The following ADAMTS15 variants were observed in gnomAD, a reference collection of about 807,000 sequenced individuals.
ADAMTS15 encodes the protein A disintegrin and metalloproteinase with thrombospondin motifs 15.
ADAMTS15 carries 35 observed loss-of-function variants against 79.1 expected under a neutral mutation model. That is an observed-to-expected ratio of 0.44 (90% CI 0.34 to 0.59). The LOEUF (loss-of-function observed/expected upper bound fraction) is 0.59, where lower values mean the gene tolerates loss of function less well. ADAMTS15 is among the 20% of genes least tolerant of loss of function. The pLI is 0.02. For missense variants in ADAMTS15, 1,324 were observed against 1,318.7 expected (o/e 1.00, Z -0.06); for synonymous variants, 616 against 567.3 (o/e 1.09, Z -1.22).
At position 130,449,644 on chromosome 11, in the gene ADAMTS15, T is replaced by C; in HGVS notation, c.671T>C (p.Val224Ala). 4 of 1,600,208 alleles carry C rather than the reference T, an allele frequency of 2.5e-6. No homozygotes were observed. The highest frequency in any genetic ancestry group is 3.4e-6 in the Non-Finnish European group (4 of 1,173,814). ...VSIPRYVETL[V>A]VADESMVKFH... Reference sequence around the variant, plus strand: ...ATCCCGCGGTACGTGGAGACGCTGGTGGTCGCGGACGAGTCAATGGTCAAG... The same window carrying C: ...ATCCCGCGGTACGTGGAGACGCTGGCGGTCGCGGACGAGTCAATGGTCAAG... Residue 224 changes from valine (V) to alanine (A), a missense_variant, in exon 1 of 8, where the codon GTG (valine) becomes GCG (alanine). Physicochemically the swap from Val to Ala is moderately conservative, Grantham distance 64. Transcript: ENST00000299164. This position sits in a 1 kb window ranked among gnomAD's most constrained non-coding sequence, Gnocchi z 7.8.
chr11:130,448,825 T>G lies in ADAMTS15; in HGVS notation c.-149T>G. The stretch of plus-strand genomic sequence containing the variant: ...TGCACGCTCGCCGCCCTGGGAGGAG[T>G]CTCCCTCCCTTGGCTCTCCTTTCTG... On this transcript the variant is annotated 5_prime_UTR_variant, in exon 1 of 8. Coordinates refer to ENST00000299164, the MANE Select transcript of ADAMTS15 (RefSeq NM_139055.4). The G allele has an allele frequency of 3.7e-6, 2 of 539,354 alleles. No individual in the cohort carries two copies. The highest frequency in any genetic ancestry group is 2.9e-6 in the Non-Finnish European group (1 of 350,454). 33.4% of individuals were successfully genotyped at this position (539,354 alleles called of 1,614,324 possible). A position where few individuals can be genotyped will look rare whatever the true frequency, so the allele number is the denominator to read the frequency against.
At chr11:130,458,601 A>G (rs1938136272) in intron 1 of ADAMTS15, among the ~76,000 whole-genome samples, 1 of 152,252 alleles carries the variant, frequency 6.6e-6, no homozygotes, top group South Asian at 2.1e-4. Flanking sequence ...TGGTTGATTC[A>G]GGCTCTAGTT....
At position 130,468,758 on chromosome 11, in the gene ADAMTS15, C is replaced by T. The variant is rs867627798; in HGVS notation, c.1543-504C>T. ...CCAGCCTGGGCGAAAGAGTGAGACT[C>T]CATCTCAAAAAAAAAAAAAAAAAAA... On this transcript the variant is annotated intron_variant, in intron 4 of 7. Transcript: ENST00000299164. Among the ~76,000 whole-genome samples, 11 of 114,706 alleles carry T rather than the reference C, an allele frequency of 9.6e-5. No individual in the cohort carries two copies. In the South Asian group the frequency reaches 3.2e-3, roughly 33 times the overall value. 75.3% of individuals were successfully genotyped at this position (114,706 alleles called of 152,430 possible). A position where few individuals can be genotyped will look rare whatever the true frequency, so the allele number is the denominator to read the frequency against.
intron 4 of ADAMTS15, among the ~76,000 whole-genome samples, chr11:130,464,626 C>G (rs1475098700): frequency 1.3e-5 from 2 of 152,188 alleles, no homozygotes; most frequent in Non-Finnish European, 2.9e-5. Flanking sequence ...CATCATGCCT[C>G]ACCCAGTGAG....
Position 130,461,495 on chromosome 11 carries a change from T to C in ADAMTS15, c.964T>C (p.Cys322Arg). 1 of 1,614,076 alleles carries C rather than the reference T, an allele frequency of 6.2e-7. No individual in the cohort carries two copies. The change falls in exon 2 of 8, where the codon TGT (cysteine) becomes CGT (arginine). Residue 322 changes from cysteine to arginine, a missense_variant. Transcript: ENST00000299164. ...TAILFTRQDL[C>R]GATTCDTLGM... is the part of the protein sequence containing the mutation. ...CTTCTCCCCCACCCGGCAGGACCTG[T>C]GTGGAGCCACCACCTGTGACACCCT...
rs2134738654 is a variant in ADAMTS15, at chr11:130,470,214, A to ATATATATATACATGTGTG, written c.1721-696_1721-695insCATGTGTGTATATATATA. Among the ~76,000 whole-genome samples, 2 of 119,006 alleles carry ATATATATATACATGTGTG rather than the reference A, an allele frequency of 1.7e-5. 1 individual carries two copies. The highest frequency in any genetic ancestry group is 3.4e-5 in the Non-Finnish European group (2 of 59,308). The allele number at this position is 119,006 out of a possible 152,430, so 78.1% of individuals were successfully genotyped here. A position where few individuals can be genotyped will look rare whatever the true frequency, so the allele number is the denominator to read the frequency against. ...TATATATATATATATATATATGTATATATATATATATTTTCTGAGGTAGAG... is the reference window on the plus strand; with the variant it reads ...TATATATATATATATATATATGTATATATATATATACATGTGTGTATATATATATTTTCTGAGGTAGAG... On this transcript the variant is annotated intron_variant, in intron 5 of 7. Transcript: ENST00000299164.
chr11:130,471,519 C>G (rs1343429931), intron 7 of ADAMTS15, 136 bp downstream of exon 7: 1 of 899,202 alleles, frequency 1.1e-6, no homozygotes, highest in African/African-American at 1.7e-5. Context: ...GCCACCCATA[C>G]CCTTCTAGGG....
At position 130,462,689 on chromosome 11, in the gene ADAMTS15, A is replaced by G; in HGVS notation, c.1451A>G (p.His484Arg). The G allele has an allele frequency of 6.2e-7, 1 of 1,613,412 alleles. No homozygotes were observed. Among genetic ancestry groups the G allele is most frequent in the South Asian group, 1.1e-5 (1 of 91,064 alleles). Residue 484 changes from histidine (H) to arginine (R), a missense_variant, in exon 4 of 8, where the codon CAC (histidine) becomes CGC (arginine). Physicochemically the swap from His to Arg is conservative, Grantham distance 29. Transcript: ENST00000299164. This position sits in a 1 kb window ranked among gnomAD's most constrained non-coding sequence, Gnocchi z 4.3. ...GGACAGATGGTGTGCCAGACCCGCC[A>G]CTTCCCCTGGGCCGATGGCACCAGC... The part of the protein sequence containing the change: ...AKGQMVCQTR[H>R]FPWADGTSCG...
chr11:130,468,939 C>CAAAAAAAAAAAAAAAAAAAAAAA (rs911391031), intron 4 of ADAMTS15, among the ~76,000 whole-genome samples: 1 of 27,848 alleles, frequency 3.6e-5, no homozygotes, highest in African/African-American at 9.9e-5. Context: ...TCCACCTCAA[C>CAAAAAAAAAAAAAAAAAAAAAAA]AAAAAAAAAA....
intron 1 of ADAMTS15, chr11:130,450,282 G>A (rs1937937485): frequency 6.1e-6 from 6 of 985,496 alleles, no homozygotes; most frequent in Non-Finnish European, 6.0e-6. Flanking sequence ...CCGTGAGGAT[G>A]GTGTTGGAGA....
At position 130,448,931 on chromosome 11, in the gene ADAMTS15, G is replaced by T. The variant is rs768926830; in HGVS notation, c.-43G>T. On this transcript the variant is annotated 5_prime_UTR_variant, in exon 1 of 8. Transcript: ENST00000299164. ...ACCGCGGCAGCGGCCGGAGAGCCCG[G>T]CCCAGCCCCTTCCCACAGCGCGGCG... The T allele has an allele frequency of 9.0e-6, 13 of 1,442,888 alleles. No homozygotes were observed. Among genetic ancestry groups the T allele is most frequent in the Middle Eastern group, 5.1e-4 (2 of 3,930 alleles). 89.4% of individuals were successfully genotyped at this position (1,442,888 alleles called of 1,614,324 possible). A position where few individuals can be genotyped will look rare whatever the true frequency, so the allele number is the denominator to read the frequency against.
At chr11:130,457,036 C>T (rs1938095644) in intron 1 of ADAMTS15, among the ~76,000 whole-genome samples, 1 of 152,066 alleles carries the variant, frequency 6.6e-6, no homozygotes, top group African/African-American at 2.4e-5. Context: ...AGTTCGAGAG[C>T]AGCCTGGCCA....
In ADAMTS15 at chr11:130,473,259, C is replaced by T. The variant is rs758094706; in HGVS notation, c.2291C>T (p.Thr764Ile). The stretch of plus-strand genomic sequence containing the variant: ...CTGCTGCGGTACAGCGGCACGGGCA[C>T]AGCGGTGGAGAGCCTGCAGGCTTCC... ...GSLLRYSGTGTAVESLQASRP... is the reference protein window; with the variant it reads ...GSLLRYSGTGIAVESLQASRP... The change falls in exon 8 of 8, where the codon ACA (threonine) becomes ATA (isoleucine). Residue 764 changes from threonine (T) to isoleucine (I), a missense_variant. Transcript: ENST00000299164. 1.2e-6 allele frequency: 2 copies of T among 1,613,460 alleles called. No individual in the cohort carries two copies. The highest frequency in any genetic ancestry group is 2.2e-5 in the East Asian group (1 of 44,874).
At chr11:130,457,071 C>T (rs1360293497) in intron 1 of ADAMTS15, among the ~76,000 whole-genome samples, 1 of 151,656 alleles carries the variant, frequency 6.6e-6, no homozygotes, top group African/African-American at 2.4e-5. Flanking sequence ...AGTCTCTACT[C>T]AAAATGCAAA....
rs145233253 is a variant in ADAMTS15 at position 130,456,886 on chromosome 11, A to G, written c.958-4603A>G. Among the ~76,000 whole-genome samples the G allele has an allele frequency of 3.0e-3, 461 of 152,312 alleles. 2 individuals carry two copies. The highest frequency in any genetic ancestry group is 0.011 in the African/African-American group (447 of 41,570). Reference sequence around the variant, plus strand: ...TCTGGCTCTCCTGCCTAGAACTTCAATGGAAGCAAAGTCCGCTACATGAGA... The same window carrying G: ...TCTGGCTCTCCTGCCTAGAACTTCAGTGGAAGCAAAGTCCGCTACATGAGA... On this transcript the variant is annotated intron_variant, in intron 1 of 7. Transcript: ENST00000299164.
chr11:130,471,322 G>A lies in ADAMTS15; in HGVS notation c.2017G>A (p.Gly673Arg), dbSNP rs888275704. ...LGSKKRFDKC[G>R]VCGGDNKSCK... ...CTCCAAGAAGAGATTCGACAAGTGT[G>A]GGGTGTGTGGGGGAGACAATAAGAG... Residue 673 changes from glycine (G) to arginine (R), a missense_variant, in exon 7 of 8, where the codon GGG (glycine) becomes AGG (arginine). Gly to Arg is a moderately radical substitution (Grantham distance 125). Coordinates refer to ENST00000299164, the MANE Select transcript of ADAMTS15 (RefSeq NM_139055.4). 2 of 1,612,596 alleles carry A rather than the reference G, an allele frequency of 1.2e-6. No homozygotes were observed. The highest frequency in any genetic ancestry group is 1.3e-5 in the African/African-American group (1 of 74,754).
chr11:130,456,431 G>T (rs944233801), intron 1 of ADAMTS15, among the ~76,000 whole-genome samples: 1 of 152,160 alleles, frequency 6.6e-6, no homozygotes, highest in African/African-American at 2.4e-5. Context: ...AATAGAATCT[G>T]CCAGTAGAAG....
At chr11:130,463,162 A>G (rs1472067316) in intron 4 of ADAMTS15, among the ~76,000 whole-genome samples, 4 of 151,962 alleles carry the variant, frequency 2.6e-5, no homozygotes, top group Admixed American at 2.0e-4. Context: ...TCCTTCTCTC[A>G]TCCACTCTTT....
Position 130,473,670 on chromosome 11 carries a change from C to A in ADAMTS15, c.2702C>A (p.Ala901Asp). 6.2e-7 allele frequency: 1 copy of A among 1,604,924 alleles called. No individual in the cohort carries two copies. The highest frequency in any genetic ancestry group is 8.5e-7 in the Non-Finnish European group (1 of 1,179,882). ...GEPCPTWELS[A>D]WSPCSKSCGR... ...CCCTGCCCCACCTGGGAGCTCAGCG[C>A]CTGGTCACCCTGCTCCAAGAGCTGC... The change falls in exon 8 of 8, where the codon GCC becomes GAC. Residue 901 changes from alanine to aspartate, a missense_variant. Ala to Asp is a moderately radical substitution (Grantham distance 126). Coordinates refer to ENST00000299164, the MANE Select transcript of ADAMTS15 (RefSeq NM_139055.4).
Sources: allele counts gnomAD v4.1 joint callset (sites outside exome capture counted in the v4.1 genomes callset), GRCh38; gene constraint gnomAD v4.1.1; non-coding constraint Gnocchi (gnomAD v3.1); transcripts MANE v1.5; gene names NCBI Gene and HGNC (gene_info 2026-07-23, HGNC 2026-07-21).